The following HDAC7 variants were observed in gnomAD, a reference collection of about 807,000 sequenced individuals.
HDAC7 encodes histone deacetylase 7A.
Under a neutral mutation model 115.5 loss-of-function variants are expected in HDAC7, and 26 were observed. The observed-to-expected ratio is 0.23, with a 90% CI of 0.16 to 0.31. HDAC7 has a LOEUF of 0.31. Among genes scored for constraint, HDAC7 ranks in the 10% least tolerant of loss-of-function variants. The pLI is 1.00. For missense variants in HDAC7, 1,068 were observed against 1,329.0 expected (o/e 0.80, Z 3.05); for synonymous variants, 564 against 550.9 (o/e 1.02, Z -0.33).
intron 1 of HDAC7, among the ~76,000 whole-genome samples, chr12:47,817,123 A>G (rs1944872655): frequency 6.6e-6 from 1 of 152,178 alleles, no homozygotes; most frequent in Non-Finnish European, 1.5e-5. Flanking sequence ...ACAAGGAAAC[A>G]CAATACCCGG....
At chr12:47,791,551 G>A (rs776396458) in intron 15 of HDAC7, 35 bp downstream of exon 15, 1 of 1,582,326 alleles carries the variant, frequency 6.3e-7, no homozygotes, top group African/African-American at 1.3e-5. Context: ...GGTGAGGTAA[G>A]CTGGCATGGG....
At chr12:47,792,054 T>C (rs375722297) in intron 13 of HDAC7, 50 bp from the exon 14 acceptor site, 19 of 1,538,608 alleles carry the variant, frequency 1.2e-5, no homozygotes, top group African/African-American at 2.7e-5. Context: ...TCACGCCCCA[T>C]GGCCTTGGCT....
intron 16 of HDAC7, chr12:47,790,546 A>C (rs1256886346): frequency 6.4e-6 from 1 of 155,778 alleles, no homozygotes; most frequent in African/African-American, 2.4e-5. Context: ...GAAAAACCAG[A>C]AAGTGGCAAG....
Position 47,783,701 on chromosome 12 carries a change from G to A in HDAC7, c.*140C>T. On this transcript the variant is annotated 3_prime_UTR_variant, in exon 26 of 26. Coordinates refer to ENST00000080059, the MANE Select transcript of HDAC7 (RefSeq NM_015401.5). ...TTTTCTCACGCTCCCTGGGATAACTGTCAAAGCAGGCAGGCTGTTCTCTGG... is the reference window on the plus strand; with the variant it reads ...TTTTCTCACGCTCCCTGGGATAACTATCAAAGCAGGCAGGCTGTTCTCTGG... The A allele has an allele frequency of 2.4e-6, 2 of 842,078 alleles. No individual in the cohort carries two copies. The highest frequency in any genetic ancestry group is 3.9e-6 in the Non-Finnish European group (2 of 508,196). 52.2% of individuals were successfully genotyped at this position (842,078 alleles called of 1,614,324 possible). A position where few individuals can be genotyped will look rare whatever the true frequency, so the allele number is the denominator to read the frequency against.
Position 47,795,203 on chromosome 12 carries a change from G to A in HDAC7, c.1265C>T (p.Thr422Ile). 3 of 1,612,970 alleles carry A rather than the reference G, an allele frequency of 1.9e-6. No homozygotes were observed. The highest frequency in any genetic ancestry group is 2.5e-6 in the Non-Finnish European group (3 of 1,179,356). The change falls in exon 11 of 26, where the codon ACT (threonine) becomes ATT (isoleucine). Residue 422 changes from threonine (T) to isoleucine (I), a missense_variant. Thr to Ile is a moderately conservative substitution (Grantham distance 89, BLOSUM62 -1). This residue lies in a region of HDAC7 where 618 missense variants were observed against 701.5 expected (regional missense o/e 0.88). Coordinates refer to ENST00000080059, the MANE Select transcript of HDAC7 (RefSeq NM_015401.5). The surrounding 1 kb of genome is among the most constrained non-coding windows in gnomAD (Gnocchi z 4.3). The part of the protein sequence containing the change: ...PMQPRLEQLK[T>I]HVQVIKRSAK... Reference sequence around the variant, plus strand: ...TCTCACCTTGATCACCTGGACGTGAGTTTTGAGCTGCTCCAGGCGGGGCTG... The same window carrying A: ...TCTCACCTTGATCACCTGGACGTGAATTTTGAGCTGCTCCAGGCGGGGCTG...
intron 21 of HDAC7, among the ~76,000 whole-genome samples, chr12:47,786,994 C>CAT (rs1943205321): frequency 6.6e-6 from 1 of 152,126 alleles, no homozygotes; most frequent in Admixed American, 6.5e-5. Flanking sequence ...TGTGTGTGTG[C>CAT]ATGTGTGTGT....
rs1429081356 is a variant in HDAC7, at chr12:47,784,080, T to TATC, written c.2926_2928dup (p.Asp976dup). 2 of 1,613,216 alleles carry TATC rather than the reference T, an allele frequency of 1.2e-6. No individual in the cohort carries two copies. The highest frequency in any genetic ancestry group is 1.7e-6 in the Non-Finnish European group (2 of 1,179,714). On this transcript the variant is annotated inframe_insertion and splice_region_variant, in exon 25 of 26. Transcript: ENST00000080059. The stretch of plus-strand genomic sequence containing the variant: ...CCAGGGCCAGGGGTCTGGCATTACC[T>TATC]ATCTTCAGCCAGGATGCCCACAGAG...
At chr12:47,785,580 C>T (rs1943132112) in intron 23 of HDAC7, 109 bp from the exon 24 acceptor site, 2 of 1,371,694 alleles carry the variant, frequency 1.5e-6, no homozygotes, top group Non-Finnish European at 2.0e-6. Flanking sequence ...CTACCTAGGC[C>T]AGGAGATGCT....
chr12:47,794,263 C>T (rs569396015), intron 12 of HDAC7, among the ~76,000 whole-genome samples: 3 of 152,368 alleles, frequency 2.0e-5, no homozygotes, highest in South Asian at 2.1e-4. Context: ...ACCAACACCT[C>T]GATTTTGACT....
chr12:47,796,684 A>G (rs1027874188), intron 7 of HDAC7, among the ~76,000 whole-genome samples: 8 of 152,052 alleles, frequency 5.3e-5, no homozygotes, highest in South Asian at 2.1e-4. Flanking sequence ...TCAGCCTCCC[A>G]AAGTGCTGAG....
At position 47,791,884 on chromosome 12, in the gene HDAC7, C is replaced by T. The variant is rs763092250; in HGVS notation, c.1799G>A (p.Arg600Gln). 1.9e-6 allele frequency: 3 copies of T among 1,611,216 alleles called. No individual in the cohort carries two copies. Among genetic ancestry groups the T allele is most frequent in the Non-Finnish European group, 2.5e-6 (3 of 1,179,492 alleles). ...IWSRLQERGL[R>Q]SQCECLRGRK... ...GCGCCTCCTCACCTCACACTGGCTC[C>T]GGAGCCCCCGCTCCTGCAGCCGGGA... Residue 600 changes from arginine to glutamine, a missense_variant, in exon 14 of 26, where the codon CGG becomes CAG. Physicochemically the swap from Arg to Gln is conservative, Grantham distance 43. Transcript: ENST00000080059.
At chr12:47,810,803 GGTCT>G (rs1414812773) in intron 1 of HDAC7, among the ~76,000 whole-genome samples, 2 of 101,646 alleles carry the variant, frequency 2.0e-5, no homozygotes, top group Non-Finnish European at 4.1e-5. Context: ...GGGAGGAAAA[GGTCT>G]CTCTCTCTCT....
intron 13 of HDAC7, chr12:47,792,879 A>C: frequency 2.8e-6 from 1 of 361,216 alleles, no homozygotes; most frequent in South Asian, 2.1e-5. Flanking sequence ...AACGTAGTTC[A>C]TGTGTTCATG....
At chr12:47,799,084 T>C in intron 2 of HDAC7, 112 bp from the exon 3 acceptor site, 1 of 692,180 alleles carries the variant, frequency 1.4e-6, no homozygotes, top group East Asian at 3.0e-5. Flanking sequence ...GGCAAAACAC[T>C]CTCATGGGGG....
At chr12:47,817,042 G>A (rs2137079319) in intron 1 of HDAC7, among the ~76,000 whole-genome samples, 1 of 152,316 alleles carries the variant, frequency 6.6e-6, no homozygotes, top group African/African-American at 2.4e-5. Context: ...GGCTGTCTGG[G>A]GGCACCTTCC....
In HDAC7 at chr12:47,793,804, T is replaced by C. The variant is rs1943660951; in HGVS notation, c.1459-216A>G. Among the ~76,000 whole-genome samples, 1 of 152,092 alleles carries C rather than the reference T, an allele frequency of 6.6e-6. No individual in the cohort carries two copies. The highest frequency in any genetic ancestry group is 2.1e-4 in the South Asian group (1 of 4,832). On this transcript the variant is annotated intron_variant, in intron 12 of 25. Transcript: ENST00000080059. The surrounding 1 kb of genome is among the most constrained non-coding windows in gnomAD (Gnocchi z 4.5). ...GTTTGCACCCCAGACTGACCACCCATTCCACCAGCTCCCCGGGCCCTTGGG... is the reference window on the plus strand; with the variant it reads ...GTTTGCACCCCAGACTGACCACCCACTCCACCAGCTCCCCGGGCCCTTGGG...
chr12:47,784,325 G>A, intron 24 of HDAC7, 108 bp from the exon 25 acceptor site: 1 of 1,264,760 alleles, frequency 7.9e-7, no homozygotes, highest in East Asian at 2.5e-5. Flanking sequence ...CCCCGGAGGA[G>A]CGGGCCTGTC....
At position 47,791,581 on chromosome 12, in the gene HDAC7, A is replaced by C. The variant is rs1943518627; in HGVS notation, c.1933+5T>G. The C allele has an allele frequency of 6.2e-7, 1 of 1,604,314 alleles. No homozygotes were observed. The highest frequency in any genetic ancestry group is 8.5e-7 in the Non-Finnish European group (1 of 1,175,420). On this transcript the variant is annotated splice_donor_5th_base_variant and intron_variant, in intron 15 of 25. Coordinates refer to ENST00000080059, the MANE Select transcript of HDAC7 (RefSeq NM_015401.5). Reference sequence around the variant, plus strand: ...CATGGGGAGACAGGGCCACTAGGCCATTACCTGCCAGCTTCCCGTTGTCCA... The same window carrying C: ...CATGGGGAGACAGGGCCACTAGGCCCTTACCTGCCAGCTTCCCGTTGTCCA...
upstream of HDAC7, among the ~76,000 whole-genome samples, chr12:47,820,815 A>G (rs1050890458): frequency 6.6e-6 from 1 of 151,392 alleles, no homozygotes; most frequent in African/African-American, 2.4e-5. This position sits in a 1 kb window ranked among gnomAD's most constrained non-coding sequence, Gnocchi z 4.3. Flanking sequence ...GAAATGTTCC[A>G]GTCTGTGAGT....
Sources: allele counts gnomAD v4.1 joint callset (sites outside exome capture counted in the v4.1 genomes callset), GRCh38; gene constraint gnomAD v4.1.1; regional missense constraint gnomAD v4.1.1; non-coding constraint Gnocchi (gnomAD v3.1); transcripts MANE v1.5; gene names NCBI Gene and HGNC (gene_info 2026-07-23, HGNC 2026-07-21).